Variants in TAF4B observed in about 807,000 individuals in gnomAD.
TAF4B encodes transcription initiation factor TFIID subunit 4B.
A neutral mutation model predicts 86.4 loss-of-function variants in TAF4B; 38 were observed. That is an observed-to-expected ratio of 0.44 (90% CI 0.34 to 0.58). The LOEUF (loss-of-function observed/expected upper bound fraction) is 0.58. Ranked by LOEUF, TAF4B falls within the 20% of genes least tolerant of loss-of-function variation. The pLI, the probability that TAF4B is intolerant of heterozygous loss-of-function variation, is 0.02. For synonymous variants in TAF4B, 388 were observed against 391.2 expected, an observed-to-expected ratio of 0.99 and a Z score of 0.10; for missense variants, 988 against 1,027.6, an observed-to-expected ratio of 0.96 and a Z score of 0.53.
At chr18:26,384,653 T>TG (rs1413863616) in intron 14 of TAF4B, among the ~76,000 whole-genome samples, 1 of 152,060 alleles carries the variant, frequency 6.6e-6, no homozygotes, top group Non-Finnish European at 1.5e-5. Context: ...AACTACGGGA[T>TG]GGGAAAAAAG....
At chr18:26,365,037 C>T (rs1241764538) in intron 14 of TAF4B, among the ~76,000 whole-genome samples, 6 of 131,562 alleles carry the variant, frequency 4.6e-5, no homozygotes, top group Non-Finnish European at 7.8e-5. Context: ...GATAGAGTCT[C>T]GCTTTGGCAC....
chr18:26,325,460 AG>A (rs147925251), intron 11 of TAF4B, among the ~76,000 whole-genome samples: 11,708 of 152,230 alleles, frequency 0.077, 568 homozygotes, highest in Middle Eastern at 0.13. Context: ...TGTTTAAATA[AG>A]GTTATAGACT....
intron 1 of TAF4B, among the ~76,000 whole-genome samples, chr18:26,237,400 A>C (rs2055765231): frequency 6.6e-6 from 1 of 152,108 alleles, no homozygotes; most frequent in Admixed American, 6.5e-5. Context: ...ATCTGCTTTA[A>C]ATCAGAGAGG....
At chr18:26,330,843 T>G (rs12954996) in intron 12 of TAF4B, among the ~76,000 whole-genome samples, 1 of 152,088 alleles carries the variant, frequency 6.6e-6, no homozygotes, top group Non-Finnish European at 1.5e-5. Context: ...CTATCAGTTA[T>G]TTAATCAATG....
chr18:26,277,553 A>G (rs2056398242), intron 5 of TAF4B, among the ~76,000 whole-genome samples: 1 of 152,168 alleles, frequency 6.6e-6, no homozygotes, highest in Non-Finnish European at 1.5e-5. Flanking sequence ...CTGGATTCTC[A>G]TATCTTCTGC....
At chr18:26,237,027 T>C (rs2055759620) in intron 1 of TAF4B, among the ~76,000 whole-genome samples, 1 of 152,170 alleles carries the variant, frequency 6.6e-6, no homozygotes, top group South Asian at 2.1e-4. Flanking sequence ...CATTGAATAA[T>C]TCATGGGCTT....
intron 9 of TAF4B, among the ~76,000 whole-genome samples, chr18:26,293,774 TCACCTTTATG>T (rs1037617189): frequency 1.3e-5 from 2 of 152,188 alleles, no homozygotes; most frequent in Non-Finnish European, 2.9e-5. Flanking sequence ...AACATATTCA[TCACCTTTATG>T]CACCTTTGAA....
intron 1 of TAF4B, among the ~76,000 whole-genome samples, chr18:26,231,034 CTTTT>C (rs536863843): frequency 3.2e-4 from 21 of 66,164 alleles, no homozygotes; most frequent in African/African-American, 5.8e-4. Context: ...TGTTGTTTTG[CTTTT>C]TTTTTTTTTT....
chr18:26,326,447 A>C (rs998479752), intron 11 of TAF4B, among the ~76,000 whole-genome samples: 2 of 152,242 alleles, frequency 1.3e-5, no homozygotes, highest in African/African-American at 2.4e-5. Flanking sequence ...ATAGCATTTC[A>C]AGATTTTAAT....
chr18:26,241,083 A>T (rs1299380325), intron 1 of TAF4B, among the ~76,000 whole-genome samples: 1 of 152,144 alleles, frequency 6.6e-6, no homozygotes, highest in African/African-American at 2.4e-5. Flanking sequence ...TGGTATCAGG[A>T]TGGTATTGGC....
chr18:26,319,143 A>G (rs1057490462), intron 10 of TAF4B, among the ~76,000 whole-genome samples: 1 of 152,134 alleles, frequency 6.6e-6, no homozygotes, highest in Non-Finnish European at 1.5e-5. Context: ...GCAGTGGGCT[A>G]TGATTGCTCC....
intron 1 of TAF4B, among the ~76,000 whole-genome samples, chr18:26,243,532 C>T (rs1308115304): frequency 6.6e-6 from 1 of 152,172 alleles, no homozygotes; most frequent in Non-Finnish European, 1.5e-5. Flanking sequence ...AAACATCCTC[C>T]TTTAGCTCAG....
chr18:26,345,477 A>G (rs991182074), intron 13 of TAF4B, among the ~76,000 whole-genome samples: 1 of 152,198 alleles, frequency 6.6e-6, no homozygotes, highest in African/African-American at 2.4e-5. Context: ...CACCATTTGT[A>G]TGTATATGCC....
At chr18:26,270,458 A>G (rs2056298415) in intron 3 of TAF4B, among the ~76,000 whole-genome samples, 1 of 152,186 alleles carries the variant, frequency 6.6e-6, no homozygotes, top group Non-Finnish European at 1.5e-5. Context: ...ATCACTAATT[A>G]TATTTGTAGT....
At chr18:26,367,753 T>C (rs993002343) in intron 14 of TAF4B, among the ~76,000 whole-genome samples, 2 of 152,210 alleles carry the variant, frequency 1.3e-5, no homozygotes, top group South Asian at 4.1e-4. Flanking sequence ...TTTCACTTGT[T>C]TGTTATAAAT....
chr18:26,351,964 G>A (rs1279546743), intron 13 of TAF4B, among the ~76,000 whole-genome samples: 6 of 152,106 alleles, frequency 3.9e-5, no homozygotes, highest in South Asian at 2.1e-4. Flanking sequence ...TATTGATGCT[G>A]AGCAGATTGA....
rs145543684 is a variant in TAF4B, at chr18:26,314,848, T to C, written c.1833-381T>C. Among the ~76,000 whole-genome samples, 248 of 152,314 alleles carry C rather than the reference T, an allele frequency of 1.6e-3. 1 individual carries two copies. Among genetic ancestry groups the C allele is most frequent in the African/African-American group, 5.8e-3 (240 of 41,570 alleles). Reference sequence around the variant, plus strand: ...CAGAGGATTTATGGATGACTTGGTGTAACTCCAAATGCCTCTTGGTGTTTC... The same window carrying C: ...CAGAGGATTTATGGATGACTTGGTGCAACTCCAAATGCCTCTTGGTGTTTC... On this transcript the variant is annotated intron_variant, in intron 9 of 14. Transcript: ENST00000269142.
chr18:26,229,494 C>CTTTTTTT (rs34261854), intron 1 of TAF4B, among the ~76,000 whole-genome samples: 118 of 129,310 alleles, frequency 9.1e-4, no homozygotes, highest in Non-Finnish European at 1.3e-3. Flanking sequence ...TTCTTTCTTT[C>CTTTTTTT]TTTTTTTTTT....
rs778400017 is a variant in TAF4B, at chr18:26,227,120, C to T, written c.187C>T (p.Arg63Trp). 3.1e-6 allele frequency: 5 copies of T among 1,613,260 alleles called. No homozygotes were observed. Among genetic ancestry groups the T allele is most frequent in the Non-Finnish European group, 4.2e-6 (5 of 1,179,694 alleles). Residue 63 changes from arginine (R) to tryptophan (W), a missense_variant, in exon 1 of 15, where the codon CGG becomes TGG. By Grantham distance (101) the Arg-to-Trp change is moderately radical (BLOSUM62 -3). Transcript: ENST00000269142. ...GGAGCCCACGGCGTCCCAGCCCCTG[C>T]GGTCCCCCGTGGGGACCCTGGTGAC... is the stretch of plus-strand genomic sequence containing the variant. The part of the protein sequence containing the change: ...CVEPTASQPL[R>W]SPVGTLVTKV...
Sources: allele counts gnomAD v4.1 joint callset (sites outside exome capture counted in the v4.1 genomes callset), GRCh38; gene constraint gnomAD v4.1.1; transcripts MANE v1.5; gene names NCBI Gene and HGNC (gene_info 2026-07-23, HGNC 2026-07-21).